KIAA0930: variants seen among roughly 807,000 people sequenced by gnomAD.
KIAA0930 encodes the protein uncharacterized protein KIAA0930.
Under a neutral mutation model 43.9 loss-of-function variants are expected in KIAA0930, and 24 were observed. The observed-to-expected ratio is 0.55, with a 90% confidence interval of 0.40 to 0.77. The LOEUF (loss-of-function observed/expected upper bound fraction) is 0.77. Ranked by LOEUF, KIAA0930 falls within the 30% of genes least tolerant of loss-of-function variation. KIAA0930 has a pLI of 0.00. For synonymous variants in KIAA0930, 259 were observed against 216.4 expected, an observed-to-expected ratio of 1.20 and a Z score of -1.73; for missense variants, 461 against 574.2, an observed-to-expected ratio of 0.80 and a Z score of 2.02.
rs2083518650 is a variant in KIAA0930, at chr22:45,194,468, T to A, written c.*2708A>T. The A allele has an allele frequency of 6.6e-6, 1 of 152,180 alleles. No individual in the cohort carries two copies. The highest frequency in any genetic ancestry group is 2.4e-5 in the African/African-American group (1 of 41,444). 9.4% of individuals were successfully genotyped at this position (152,180 alleles called of 1,614,324 possible). On this transcript the variant is annotated 3_prime_UTR_variant, in exon 10 of 10. Coordinates refer to ENST00000336156, the MANE Select transcript of KIAA0930 (RefSeq NM_001009880.2). ...GGGGTTTTGGGATCAAGTGTCCTGT[T>A]GAGGAAAACTAGGTGTCACCATGCA...
intron 1 of KIAA0930, among the ~76,000 whole-genome samples, chr22:45,234,827 C>T (rs9615076): frequency 0.38 from 58,360 of 152,012 alleles, 12,491 homozygotes; most frequent in South Asian, 0.5. Context: ...TGTTAGGAAC[C>T]TTAAATGAAA....
chr22:45,230,883 A>G (rs2083849054), intron 1 of KIAA0930, among the ~76,000 whole-genome samples: 1 of 151,404 alleles, frequency 6.6e-6, no homozygotes, highest in South Asian at 2.1e-4. Context: ...CCCAGCCCAG[A>G]TCACACTTCT....
Position 45,197,071 on chromosome 22 carries a change from G to A in KIAA0930, c.*105C>T. 1.0e-6 allele frequency: 1 copy of A among 997,118 alleles called. No homozygotes were observed. The highest frequency in any genetic ancestry group is 1.4e-6 in the Non-Finnish European group (1 of 703,820). 61.8% of individuals were successfully genotyped at this position (997,118 alleles called of 1,614,324 possible). ...GTGGCCTCGCCTGGCTGCGGCTCCA[G>A]CACTGGCGTGCCATCGCAGACCCCG... On this transcript the variant is annotated 3_prime_UTR_variant, in exon 10 of 10. Transcript: ENST00000336156.
intron 1 of KIAA0930, among the ~76,000 whole-genome samples, chr22:45,237,478 G>C (rs2083894363): frequency 6.6e-6 from 1 of 152,180 alleles, no homozygotes; most frequent in Non-Finnish European, 1.5e-5. Context: ...CGAGAGCTGA[G>C]CGATGACCCC....
intron 1 of KIAA0930, among the ~76,000 whole-genome samples, chr22:45,219,583 T>C (rs967638781): frequency 8.5e-5 from 4 of 46,922 alleles, no homozygotes; most frequent in Non-Finnish European, 9.4e-5. Flanking sequence ...GAGGTGATTG[T>C]TTTTTTTTTT....
chr22:45,198,622 G>T (rs547531777), intron 8 of KIAA0930, among the ~76,000 whole-genome samples: 1 of 152,234 alleles, frequency 6.6e-6, no homozygotes, highest in Non-Finnish European at 1.5e-5. Flanking sequence ...GAGGTGCTCA[G>T]TGGGAGTTGT....
chr22:45,213,455 G>A, intron 1 of KIAA0930: 1 of 1,252,802 alleles, frequency 8.0e-7, no homozygotes, highest in Non-Finnish European at 1.0e-6. Flanking sequence ...AGAGCCCACG[G>A]GACTGGCAAG....
chr22:45,200,100 C>T (rs899651597), intron 7 of KIAA0930, 65 bp from the exon 8 acceptor site: 86 of 1,456,740 alleles, frequency 5.9e-5, no homozygotes, highest in Non-Finnish European at 7.5e-5. Flanking sequence ...GTCCCAACGC[C>T]CCTCCTATCC....
intron 1 of KIAA0930, among the ~76,000 whole-genome samples, chr22:45,236,736 T>C (rs2083890856): frequency 6.6e-6 from 1 of 152,148 alleles, no homozygotes; most frequent in Non-Finnish European, 1.5e-5. Context: ...CCCCCCAACC[T>C]GTGTTCCCTC....
At chr22:45,202,846 C>A (rs2083601133) in intron 7 of KIAA0930, 144 bp downstream of exon 7, 2 of 670,242 alleles carry the variant, frequency 3.0e-6, no homozygotes, top group South Asian at 2.1e-5. Flanking sequence ...TGGTCCGGGC[C>A]TCCGCACGCT....
chr22:45,209,345 C>T (rs2083671877), intron 2 of KIAA0930, among the ~76,000 whole-genome samples: 1 of 152,168 alleles, frequency 6.6e-6, no homozygotes, highest in African/African-American at 2.4e-5. Context: ...GTCTCCCCAT[C>T]AGCGCCTCCA....
At chr22:45,207,935 C>T (rs905385970) in intron 2 of KIAA0930, among the ~76,000 whole-genome samples, 7 of 152,324 alleles carry the variant, frequency 4.6e-5, no homozygotes, top group African/African-American at 1.2e-4. Flanking sequence ...CTCCTGGTCT[C>T]GCTTCATTGA....
chr22:45,219,051 T>A (rs1286027367), intron 1 of KIAA0930, among the ~76,000 whole-genome samples: 1 of 151,270 alleles, frequency 6.6e-6, no homozygotes, highest in African/African-American at 2.4e-5. Flanking sequence ...AAGGGAAACT[T>A]TTATCTTTCG....
chr22:45,236,143 C>T (rs1207370234), intron 1 of KIAA0930: 2 of 152,344 alleles, frequency 1.3e-5, no homozygotes, highest in East Asian at 3.8e-4. Flanking sequence ...GTACATCCCT[C>T]CCCACGCTGA....
At chr22:45,203,642 C>T (rs1414098743) in intron 6 of KIAA0930, among the ~76,000 whole-genome samples, 3 of 152,154 alleles carry the variant, frequency 2.0e-5, no homozygotes, top group African/African-American at 7.2e-5. Context: ...GCAAGTGGCC[C>T]GCATGGGCTG....
rs1555901092 is a variant in KIAA0930, at chr22:45,231,223, G to GGAAA, written c.64+9416_64+9417insTTTC. 1.4e-3 allele frequency among the ~76,000 whole-genome samples: 66 copies of GGAAA among 47,446 alleles called. 2 individuals carry two copies. The highest frequency in any genetic ancestry group is 2.2e-3 in the Admixed American group (12 of 5,416). 31.1% of individuals were successfully genotyped at this position (47,446 alleles called of 152,430 possible). On this transcript the variant is annotated intron_variant, in intron 1 of 9. Coordinates refer to ENST00000336156, the MANE Select transcript of KIAA0930 (RefSeq NM_001009880.2). The stretch of plus-strand genomic sequence containing the variant: ...AGCCAAGATCTGAGACTCCGTCTCA[G>GGAAA]AAAAAAAAAAAAAAAAAGAAAGAAA...
At chr22:45,228,001 C>T (rs983578134) in intron 1 of KIAA0930, among the ~76,000 whole-genome samples, 2 of 152,322 alleles carry the variant, frequency 1.3e-5, no homozygotes, top group East Asian at 3.9e-4. Context: ...TCAGGGATGG[C>T]CCAGGTCAGC....
At chr22:45,215,965 C>T (rs13058706) in intron 1 of KIAA0930, among the ~76,000 whole-genome samples, 72,971 of 151,182 alleles carry the variant, frequency 0.48, 17,787 homozygotes, top group South Asian at 0.65. Flanking sequence ...GAGGCGGAGC[C>T]TGCAGTGAGC....
chr22:45,226,788 G>GC (rs1219425387), intron 1 of KIAA0930: 1 of 156,984 alleles, frequency 6.4e-6, no homozygotes, highest in Non-Finnish European at 1.4e-5. Flanking sequence ...ACGCAAAGGT[G>GC]CCCCATCTCA....
Sources: gnomAD v4.1 joint callset for allele counts (sites outside exome capture counted in the v4.1 genomes callset) on GRCh38, gnomAD v4.1.1 for gene constraint, MANE v1.5 for transcripts, NCBI Gene and HGNC (gene_info 2026-07-23, HGNC 2026-07-21) for gene names.